Variants in DNAJC12 observed in about 807,000 individuals in gnomAD.
DNAJC12 encodes the protein DnaJ heat shock protein family (Hsp40) member C12, also known as dnaJ homolog subfamily C member 12.
A neutral mutation model predicts 28.5 loss-of-function variants in DNAJC12; 25 were observed. The observed-to-expected ratio is 0.88, with a 90% CI of 0.64 to 1.22. DNAJC12 has a LOEUF of 1.22. Among genes scored for constraint, DNAJC12 ranks in the 50% most tolerant of loss-of-function variants. DNAJC12 has a pLI of 0.00. For synonymous variants in DNAJC12, 77 were observed against 80.6 expected (o/e 0.95, Z 0.24); for missense variants, 222 against 231.7 (o/e 0.96, Z 0.27).
intron 3 of DNAJC12, 60 bp from the exon 4 acceptor site, chr10:67,805,847 T>A: frequency 7.3e-7 from 1 of 1,367,714 alleles, no homozygotes; most frequent in Non-Finnish European, 9.7e-7. Context: ...TTTTCTATAT[T>A]TAAAGTTTGA....
Position 67,803,906 on chromosome 10 carries a change from A to G in DNAJC12, c.502+1677T>C, listed in dbSNP as rs564624062. Among the ~76,000 whole-genome samples the G allele has an allele frequency of 3.9e-5, 6 of 152,362 alleles. No individual in the cohort carries two copies. The East Asian group carries it at 1.2e-3, about 29-fold the overall frequency. ...CTCCACAGCCATCTCTTGGGTAACC[A>G]ACAGAGACATCTGAATCAAACTCTA... On this transcript the variant is annotated intron_variant, in intron 4 of 4. Coordinates refer to ENST00000225171, the MANE Select transcript of DNAJC12 (RefSeq NM_021800.3).
At chr10:67,823,593 T>C (rs1842001540) in intron 1 of DNAJC12, among the ~76,000 whole-genome samples, 1 of 151,838 alleles carries the variant, frequency 6.6e-6, no homozygotes, top group Non-Finnish European at 1.5e-5. Context: ...CCCAGTTACT[T>C]GGAAGGCTGA....
At chr10:67,833,916 G>T (rs1842118448) in intron 1 of DNAJC12, 1 of 477,576 alleles carries the variant, frequency 2.1e-6, no homozygotes, top group Admixed American at 2.3e-5. Context: ...CTATTACTGA[G>T]GTGAGTTTGA....
At position 67,805,664 on chromosome 10, in the gene DNAJC12, C is replaced by T. The variant is rs1366536044; in HGVS notation, c.421G>A (p.Ala141Thr). 1 of 1,613,674 alleles carries T rather than the reference C, an allele frequency of 6.2e-7. No homozygotes were observed. The highest frequency in any genetic ancestry group is 8.5e-7 in the Non-Finnish European group (1 of 1,179,924). The change falls in exon 4 of 5, where the codon GCT becomes ACT. Residue 141 changes from alanine to threonine, a missense_variant. Physicochemically the swap from Ala to Thr is moderately conservative, Grantham distance 58. Coordinates refer to ENST00000225171, the MANE Select transcript of DNAJC12 (RefSeq NM_021800.3). ...TGCTCCGTTTTCTCTGCGGTTGAAGCCAGCTCCTCTTTCTTTCTTTCTCTT... is the reference window on the plus strand; with the variant it reads ...TGCTCCGTTTTCTCTGCGGTTGAAGTCAGCTCCTCTTTCTTTCTTTCTCTT... ...EQRERKKEEL[A>T]STAEKTEQKE...
At chr10:67,800,878 G>A (rs761461049) in intron 4 of DNAJC12, among the ~76,000 whole-genome samples, 1 of 151,992 alleles carries the variant, frequency 6.6e-6, no homozygotes, top group Admixed American at 6.6e-5. Context: ...GGGAGGCAGA[G>A]GTTGCAGTGA....
At chr10:67,810,257 A>G (rs73271984) in intron 3 of DNAJC12, among the ~76,000 whole-genome samples, 5,649 of 152,226 alleles carry the variant, frequency 0.037, 344 homozygotes, top group African/African-American at 0.13. Flanking sequence ...TGCCCCCATG[A>G]TCCAATCACC....
chr10:67,834,756 G>T (rs1842126551), intron 1 of DNAJC12, among the ~76,000 whole-genome samples: 1 of 152,130 alleles, frequency 6.6e-6, no homozygotes, highest in African/African-American at 2.4e-5. Flanking sequence ...GAACCCAGGA[G>T]GCTGCAGTGA....
At chr10:67,819,705 AGG>A (rs1343709761) in intron 2 of DNAJC12, among the ~76,000 whole-genome samples, 1 of 13,872 alleles carries the variant, frequency 7.2e-5, no homozygotes, top group African/African-American at 2.0e-4. Flanking sequence ...AAAGGAAGGA[AGG>A]AAGGAAGGAA....
At chr10:67,809,862 G>C (rs1747922898) in intron 3 of DNAJC12, among the ~76,000 whole-genome samples, 1 of 152,100 alleles carries the variant, frequency 6.6e-6, no homozygotes, top group African/African-American at 2.4e-5. Flanking sequence ...GGGACGGAGA[G>C]TGAAGGATAA....
chr10:67,824,347 G>A (rs1842009604), intron 1 of DNAJC12, among the ~76,000 whole-genome samples: 2 of 151,636 alleles, frequency 1.3e-5, no homozygotes, highest in South Asian at 4.2e-4. Context: ...ATTACTCAAG[G>A]ATAACTGTCT....
chr10:67,836,606 C>T (rs1316666530), intron 1 of DNAJC12, among the ~76,000 whole-genome samples: 3 of 152,014 alleles, frequency 2.0e-5, no homozygotes, highest in Non-Finnish European at 1.5e-5. Context: ...AAGCAAATCA[C>T]CACCAACATA....
At chr10:67,822,242 G>T (rs145994861) in intron 2 of DNAJC12, among the ~76,000 whole-genome samples, 2 of 152,278 alleles carry the variant, frequency 1.3e-5, no homozygotes, top group East Asian at 3.9e-4. Context: ...AGCCCAAAGA[G>T]GCTGGAGGAG....
chr10:67,827,304 T>C (rs1842046456), intron 1 of DNAJC12, among the ~76,000 whole-genome samples: 1 of 151,858 alleles, frequency 6.6e-6, no homozygotes, highest in Non-Finnish European at 1.5e-5. Context: ...GGAGAATCCC[T>C]TGAGCCCAGG....
At chr10:67,816,247 T>C (rs1841914801) in intron 2 of DNAJC12, 1 of 393,350 alleles carries the variant, frequency 2.5e-6, no homozygotes, top group African/African-American at 2.1e-5. Flanking sequence ...TAATATGATG[T>C]CAAAATATGC....
intron 4 of DNAJC12, 63 bp from the exon 5 acceptor site, chr10:67,797,273 A>G: frequency 7.3e-7 from 1 of 1,365,546 alleles, no homozygotes; most frequent in Non-Finnish European, 1.0e-6. Flanking sequence ...TTGTTATAGT[A>G]AAACAGCTTG....
At chr10:67,797,800 G>A (rs1841690284) in intron 4 of DNAJC12, among the ~76,000 whole-genome samples, 1 of 152,098 alleles carries the variant, frequency 6.6e-6, no homozygotes, top group Non-Finnish European at 1.5e-5. Flanking sequence ...CAGCACTTTG[G>A]GAGGCCAAGG....
chr10:67,808,292 A>G (rs1434669281), intron 3 of DNAJC12, among the ~76,000 whole-genome samples: 1 of 152,250 alleles, frequency 6.6e-6, no homozygotes, highest in Non-Finnish European at 1.5e-5. Flanking sequence ...TGCACAAGAC[A>G]GAAAATCTAT....
chr10:67,826,422 C>A (rs1842030057), intron 1 of DNAJC12, among the ~76,000 whole-genome samples: 1 of 149,936 alleles, frequency 6.7e-6, no homozygotes, highest in African/African-American at 2.5e-5. Flanking sequence ...GCATGAGTCA[C>A]CATGCCTGGC....
intron 4 of DNAJC12, among the ~76,000 whole-genome samples, chr10:67,802,141 G>A (rs933329707): frequency 2.0e-5 from 3 of 151,990 alleles, no homozygotes; most frequent in Non-Finnish European, 4.4e-5. Flanking sequence ...TAGGAGTACA[G>A]GCCCAAGCCA....
Sources: allele counts gnomAD v4.1 joint callset (sites outside exome capture counted in the v4.1 genomes callset), GRCh38; gene constraint gnomAD v4.1.1; transcripts MANE v1.5; gene names NCBI Gene and HGNC (gene_info 2026-07-23, HGNC 2026-07-21).